Variants in RHOC observed in about 807,000 individuals in gnomAD.
RHOC encodes ras homolog family member C.
RHOC carries 13 observed loss-of-function variants against 19.5 expected under a neutral mutation model. That is an observed-to-expected ratio of 0.67 (90% CI 0.43 to 1.06). The LOEUF is 1.06. Ranked by LOEUF, RHOC falls within the 50% of genes least tolerant of loss-of-function variation. The pLI is 0.00. For synonymous variants in RHOC, 106 were observed against 97.3 expected, an observed-to-expected ratio of 1.09 and a Z score of -0.52; for missense variants, 173 against 256.9, an observed-to-expected ratio of 0.67 and a Z score of 2.23.
chr1:112,706,464 C>CCACACACACACACACA (rs57078670), intron 1 of RHOC, among the ~76,000 whole-genome samples: 1 of 23,046 alleles, frequency 4.3e-5, no homozygotes, highest in African/African-American at 2.1e-4. Context: ...CACACACACA[C>CCACACACACACACACA]CACACACACA....
At chr1:112,703,215 CTTTA>C (rs1674718464) in intron 3 of RHOC, 96 bp from the exon 4 acceptor site, 6 of 1,417,564 alleles carry the variant, frequency 4.2e-6, no homozygotes, top group Middle Eastern at 2.1e-4. Flanking sequence ...CACTGAACTT[CTTTA>C]TTTGAGCACC....
chr1:112,703,079 T>G lies in RHOC; in HGVS notation c.197A>C (p.Tyr66Ser), dbSNP rs760987953. ...ALWDTAGQED[Y>S]DRLRPLSYPD... ...GTAGGAGAGAGGCCGCAGTCGATCATAGTCTTCCTGCCCTGCTGTGTCCCA... is the reference window on the plus strand; with the variant it reads ...GTAGGAGAGAGGCCGCAGTCGATCAGAGTCTTCCTGCCCTGCTGTGTCCCA... Residue 66 changes from tyrosine (Y) to serine (S), a missense_variant, in exon 4 of 6, where the codon TAT (tyrosine) becomes TCT (serine). Transcript: ENST00000339083. 1 of 1,614,182 alleles carries G rather than the reference T, an allele frequency of 6.2e-7. No homozygotes were observed.
At chr1:112,705,275 A>C in intron 1 of RHOC, 107 bp from the exon 2 acceptor site, 3 of 679,676 alleles carry the variant, frequency 4.4e-6, no homozygotes, top group Non-Finnish European at 5.4e-6. Flanking sequence ...CAGTTAAGAA[A>C]GCGACGGTAA....
Position 112,701,339 on chromosome 1 carries a change from A to C in RHOC, c.*201T>G. On this transcript the variant is annotated 3_prime_UTR_variant, in exon 6 of 6. Transcript: ENST00000339083. Reference sequence around the variant, plus strand: ...ATCCCCAGGGGCCCTGAGGAAGGGCAGGGCATAGGCGTGGCTCCCAGAGCG... The same window carrying C: ...ATCCCCAGGGGCCCTGAGGAAGGGCCGGGCATAGGCGTGGCTCCCAGAGCG... The C allele has an allele frequency of 6.9e-7, 1 of 1,448,064 alleles. No homozygotes were observed. Among genetic ancestry groups the C allele is most frequent in the African/African-American group, 1.4e-5 (1 of 70,408 alleles). 89.7% of individuals were successfully genotyped at this position (1,448,064 alleles called of 1,614,324 possible). A position where few individuals can be genotyped will look rare whatever the true frequency, so the allele number is the denominator to read the frequency against.
chr1:112,702,836 A>G (rs1362036695), intron 4 of RHOC, 143 bp from the exon 5 acceptor site: 10 of 1,358,172 alleles, frequency 7.4e-6, no homozygotes, highest in Non-Finnish European at 1.0e-5. Context: ...CAACAGTAGT[A>G]TGCCCTCAGA....
In RHOC at chr1:112,702,884, G is replaced by C. The variant is rs1674704485; in HGVS notation, c.277+115C>G. 33 of 1,427,790 alleles carry C rather than the reference G, an allele frequency of 2.3e-5. No homozygotes were observed. In the Admixed American group the frequency reaches 5.7e-4, roughly 25 times the overall value. The allele number at this position is 1,427,790 out of a possible 1,614,324, so 88.4% of individuals were successfully genotyped here. On this transcript the variant is annotated intron_variant, in intron 4 of 5. Transcript: ENST00000339083. ...ACAGTAAAGGAGACCAACAGGGCCT[G>C]AGTGCTCCCCTGCATCCCCACCCCC... is the stretch of plus-strand genomic sequence containing the variant.
intron 1 of RHOC, chr1:112,705,479 CAA>C (rs1395355304): frequency 1.8e-6 from 1 of 564,616 alleles, no homozygotes; most frequent in East Asian, 3.8e-5. Flanking sequence ...GACACATTCA[CAA>C]AACTGTTGGT....
At chr1:112,707,358 G>T (rs940043300), upstream of RHOC, 1 of 152,606 alleles carries the variant, frequency 6.6e-6, no homozygotes, top group Non-Finnish European at 1.5e-5. Flanking sequence ...CGGGCGAGCG[G>T]GGGGAGCACG....
rs747909337 is a variant in RHOC, at chr1:112,702,677, C to T, written c.294G>A (p.Lys98=). The change falls in exon 5 of 6, where the codon AAG becomes AAA. Residue 98 remains lysine (K), a synonymous_variant. Coordinates refer to ENST00000339083, the MANE Select transcript of RHOC (RefSeq NM_175744.5). ...AGAAGTGCTTCACCTCTGGGGTCCA[C>T]TTCTCAGGAATGTTTTCTGTGTAGA... The part of the protein sequence containing the change: ...SPDSLENIPE[K]WTPEVKHFCP... The T allele has an allele frequency of 4.3e-6, 7 of 1,614,150 alleles. No homozygotes were observed. In the South Asian group the frequency reaches 4.4e-5, roughly 10 times the overall value.
chr1:112,701,387 C>T lies in RHOC; in HGVS notation c.*153G>A. 1 of 1,543,942 alleles carries T rather than the reference C, an allele frequency of 6.5e-7. No individual in the cohort carries two copies. The highest frequency in any genetic ancestry group is 1.2e-5 in the South Asian group (1 of 83,156). On this transcript the variant is annotated 3_prime_UTR_variant, in exon 6 of 6. Coordinates refer to ENST00000339083, the MANE Select transcript of RHOC (RefSeq NM_175744.5). ...GCGCTGGGAGGGAGGGCCCGTGCCA[C>T]CACCTCGGGGCTAGAAAACAATGCA...
At chr1:112,703,507 A>T in intron 3 of RHOC, 137 bp downstream of exon 3, 1 of 814,882 alleles carries the variant, frequency 1.2e-6, no homozygotes, top group Non-Finnish European at 2.1e-6. Flanking sequence ...CTGCAGATTT[A>T]CTTCCTAACT....
chr1:112,701,658 C>G lies in RHOC; in HGVS notation c.464G>C (p.Gly155Ala). Residue 155 changes from glycine (G) to alanine (A), a missense_variant, in exon 6 of 6, where the codon GGC becomes GCC. Gly to Ala is a moderately conservative substitution (Grantham distance 60, BLOSUM62 0). Transcript: ENST00000339083. The stretch of plus-strand genomic sequence containing the variant: ...GGTCTTGGCTGAGCACTCAAGGTAG[C>G]CAAAGGCACTGATCCGGTTCGCCAT... The part of the protein sequence containing the change: ...RDMANRISAF[G>A]YLECSAKTKE... 6.2e-7 allele frequency: 1 copy of G among 1,614,088 alleles called. No individual in the cohort carries two copies. The highest frequency in any genetic ancestry group is 8.5e-7 in the Non-Finnish European group (1 of 1,180,002).
chr1:112,703,893 C>T (rs77572551), intron 2 of RHOC, 87 bp from the exon 3 acceptor site: 23 of 1,283,862 alleles, frequency 1.8e-5, no homozygotes, highest in East Asian at 9.9e-5. Context: ...CCCTGGAAAC[C>T]GAGGCATCTA....
Position 112,703,063 on chromosome 1 carries a change from AG to A in RHOC, c.212del (p.Pro71LeufsTer33). The A allele has an allele frequency of 6.2e-7, 1 of 1,614,150 alleles. No individual in the cohort carries two copies. The highest frequency in any genetic ancestry group is 2.2e-5 in the East Asian group (1 of 44,878). ...AGQEDYDRLR[P>X]LSYPDTDVIL... ...TGACATCAGTGTCCGGGTAGGAGAGAGGCCGCAGTCGATCATAGTCTTCCTG... is the reference window on the plus strand; with the variant it reads ...TGACATCAGTGTCCGGGTAGGAGAGAGCCGCAGTCGATCATAGTCTTCCTG... On this transcript the variant is annotated frameshift_variant, in exon 4 of 6. Transcript: ENST00000339083. LOFTEE classifies it high-confidence loss of function.
intron 1 of RHOC, among the ~76,000 whole-genome samples, chr1:112,706,432 CACACACACA>C (rs1674848780): frequency 6.8e-5 from 2 of 29,248 alleles, no homozygotes; most frequent in East Asian, 5.1e-4. Flanking sequence ...TCTCTCTCTA[CACACACACA>C]CACACACACA....
intron 1 of RHOC, chr1:112,705,715 T>A (rs973322466): frequency 2.2e-6 from 1 of 455,152 alleles, no homozygotes; most frequent in African/African-American, 2.0e-5. Flanking sequence ...CTCCACCCAC[T>A]CCATTAGTTC....
chr1:112,702,784 G>A (rs1674701154), intron 4 of RHOC, 91 bp from the exon 5 acceptor site: 1 of 1,543,434 alleles, frequency 6.5e-7, no homozygotes. Flanking sequence ...AGCAGTCTTA[G>A]AAGCCATTCA....
Position 112,701,608 on chromosome 1 carries a change from C to CAT in RHOC, c.513_514insAT (p.Glu172MetfsTer50), listed in dbSNP as rs1674633564. The CAT allele has an allele frequency of 6.2e-7, 1 of 1,614,032 alleles. No homozygotes were observed. The highest frequency in any genetic ancestry group is 1.3e-5 in the African/African-American group (1 of 74,918). ...TGGAGGCCAGCCCGAGTGGCCATCT[C>CAT]AAACACCTCCCGCACTCCCTCCTTG... On this transcript the variant is annotated frameshift_variant, in exon 6 of 6. Transcript: ENST00000339083. LOFTEE classifies it high-confidence loss of function.
At chr1:112,706,475 CA>C (rs1557780688) in intron 1 of RHOC, among the ~76,000 whole-genome samples, 146 of 3,574 alleles carry the variant, frequency 0.041, 14 homozygotes, top group African/African-American at 0.084. Flanking sequence ...CACACACACA[CA>C]CACACACACA....
Sources: gnomAD v4.1 joint callset for allele counts (sites outside exome capture counted in the v4.1 genomes callset) on GRCh38, gnomAD v4.1.1 for gene constraint, MANE v1.5 for transcripts, NCBI Gene and HGNC (gene_info 2026-07-23, HGNC 2026-07-21) for gene names.